Variants in LRRC4C observed in about 807,000 individuals in gnomAD.
The protein encoded by LRRC4C is leucine rich repeat containing 4C.
A neutral mutation model predicts 33.6 loss-of-function variants in LRRC4C; 5 were observed. The ratio of observed to expected loss-of-function variants is 0.15; its 90% CI spans 0.08 to 0.31. The LOEUF (loss-of-function observed/expected upper bound fraction) is 0.31. Ranked by LOEUF, LRRC4C falls within the 10% of genes least tolerant of loss-of-function variation. The pLI is 1.00. For missense variants in LRRC4C, 560 were observed against 796.7 expected, an observed-to-expected ratio of 0.70 and a Z score of 3.58; for synonymous variants, 329 against 302.0, an observed-to-expected ratio of 1.09 and a Z score of -0.93.
intron 5 of LRRC4C, among the ~76,000 whole-genome samples, chr11:40,196,502 C>G (rs1384253912): frequency 6.6e-6 from 1 of 152,206 alleles, no homozygotes; most frequent in African/African-American, 2.4e-5. Context: ...CTGTAACTTA[C>G]CTTGGAACAT....
At chr11:40,362,375 T>G (rs1365631101) in intron 3 of LRRC4C, among the ~76,000 whole-genome samples, 1 of 151,844 alleles carries the variant, frequency 6.6e-6, no homozygotes, top group Non-Finnish European at 1.5e-5. Context: ...CTGAGAAAGG[T>G]GTAATATCCA....
chr11:40,923,081 TC>T (rs1207500147), intron 2 of LRRC4C, among the ~76,000 whole-genome samples: 2 of 152,172 alleles, frequency 1.3e-5, no homozygotes, highest in Middle Eastern at 3.2e-3. Flanking sequence ...CCCCTCAGCC[TC>T]CCAAAGTGCT....
intron 1 of LRRC4C, among the ~76,000 whole-genome samples, chr11:41,105,926 C>T (rs577055591): frequency 3.3e-5 from 5 of 152,200 alleles, no homozygotes; most frequent in Admixed American, 6.5e-5. Flanking sequence ...ATTTCTCTCT[C>T]TTTTTATCAA....
intron 1 of LRRC4C, among the ~76,000 whole-genome samples, chr11:41,416,908 G>A (rs1039021982): frequency 6.6e-6 from 1 of 151,894 alleles, no homozygotes; most frequent in African/African-American, 2.4e-5. Flanking sequence ...TTGTGGCGTG[G>A]CAACTGAGTA....
chr11:40,834,694 C>G, intron 2 of LRRC4C, among the ~76,000 whole-genome samples: 1 of 152,002 alleles, frequency 6.6e-6, no homozygotes. Context: ...CCATAAATCC[C>G]TTTGTGTAAC....
At chr11:40,795,373 A>G (rs899195274) in intron 2 of LRRC4C, among the ~76,000 whole-genome samples, 1 of 151,254 alleles carries the variant, frequency 6.6e-6, no homozygotes, top group Non-Finnish European at 1.5e-5. Flanking sequence ...TTAAAAATAC[A>G]AAAAAAATTA....
intron 3 of LRRC4C, among the ~76,000 whole-genome samples, chr11:40,594,406 T>A (rs970669310): frequency 3.9e-5 from 6 of 152,226 alleles, no homozygotes; most frequent in African/African-American, 9.6e-5. Flanking sequence ...ATGTCTAATA[T>A]CTGCCAAGCT....
At chr11:40,935,765 G>A (rs557627602) in intron 1 of LRRC4C, among the ~76,000 whole-genome samples, 1 of 151,810 alleles carries the variant, frequency 6.6e-6, no homozygotes, top group South Asian at 2.1e-4. Context: ...TGTATTGGGT[G>A]GTTGACGTTT....
intron 3 of LRRC4C, among the ~76,000 whole-genome samples, chr11:40,553,576 T>C (rs536581556): frequency 7.4e-4 from 112 of 152,256 alleles, no homozygotes; most frequent in Non-Finnish European, 1.3e-3. Flanking sequence ...CCACTGGGAA[T>C]GGTAATATCA....
At chr11:41,205,560 T>C (rs554355696) in intron 1 of LRRC4C, among the ~76,000 whole-genome samples, 5 of 152,292 alleles carry the variant, frequency 3.3e-5, no homozygotes, top group South Asian at 2.1e-4. Flanking sequence ...ACCCTCAAAC[T>C]TGGACAAACG....
chr11:40,982,908 T>C (rs1177991468), intron 1 of LRRC4C, among the ~76,000 whole-genome samples: 2 of 152,102 alleles, frequency 1.3e-5, no homozygotes, highest in Non-Finnish European at 2.9e-5. Context: ...CCACTTATAA[T>C]TGAGAACATG....
At chr11:41,272,440 T>A (rs888321310) in intron 1 of LRRC4C, among the ~76,000 whole-genome samples, 13 of 152,076 alleles carry the variant, frequency 8.5e-5, no homozygotes, top group Non-Finnish European at 1.8e-4. Flanking sequence ...CTGATCCCCA[T>A]CAAACTTGCA....
intron 3 of LRRC4C, among the ~76,000 whole-genome samples, chr11:40,442,162 CAAAAAAAAAA>C (rs1158464665): frequency 7.1e-5 from 4 of 56,200 alleles, no homozygotes; most frequent in African/African-American, 2.1e-4. Flanking sequence ...GACTCCATTT[CAAAAAAAAAA>C]AAAAAAAAAA....
chr11:40,869,770 C>T (rs972540469), intron 2 of LRRC4C, among the ~76,000 whole-genome samples: 2 of 152,104 alleles, frequency 1.3e-5, no homozygotes, highest in African/African-American at 4.8e-5. Flanking sequence ...GTATAAAACC[C>T]CAAGTCAAAG....
intron 6 of LRRC4C, among the ~76,000 whole-genome samples, chr11:40,123,258 A>C (rs1373999120): frequency 6.6e-6 from 1 of 152,164 alleles, no homozygotes; most frequent in Non-Finnish European, 1.5e-5. Flanking sequence ...AGCTAGAGCA[A>C]TCAGACATGA....
At chr11:40,512,685 G>C (rs1417726460) in intron 3 of LRRC4C, among the ~76,000 whole-genome samples, 1 of 152,158 alleles carries the variant, frequency 6.6e-6, no homozygotes, top group African/African-American at 2.4e-5. Context: ...GCACAAAAGT[G>C]AAAGCCGCTG....
intron 2 of LRRC4C, among the ~76,000 whole-genome samples, chr11:40,898,640 T>C (rs1017509778): frequency 6.6e-6 from 1 of 152,114 alleles, no homozygotes; most frequent in African/African-American, 2.4e-5. Context: ...GTCTGGCTTA[T>C]AAATTGGAGA....
intron 1 of LRRC4C, among the ~76,000 whole-genome samples, chr11:41,215,726 G>C (rs1947033334): frequency 6.6e-6 from 1 of 151,902 alleles, no homozygotes. Flanking sequence ...CTATTGTATA[G>C]ATGTATCATA....
chr11:41,052,163 A>G (rs1424905443), intron 1 of LRRC4C, among the ~76,000 whole-genome samples: 4 of 152,130 alleles, frequency 2.6e-5, no homozygotes, highest in Non-Finnish European at 5.9e-5. Context: ...TGATTCATAC[A>G]ATGATTACAA....
Sources: allele counts gnomAD v4.1 joint callset (sites outside exome capture counted in the v4.1 genomes callset), GRCh38; gene constraint gnomAD v4.1.1; transcripts MANE v1.5; gene names NCBI Gene and HGNC (gene_info 2026-07-23, HGNC 2026-07-21).